GRHL1: variants seen among roughly 807,000 people sequenced by gnomAD.
The protein encoded by GRHL1 is grainyhead like transcription factor 1.
A neutral mutation model predicts 75.7 loss-of-function variants in GRHL1; 38 were observed. The observed-to-expected ratio is 0.50, with a 90% CI of 0.39 to 0.66. The LOEUF is 0.66. Ranked by LOEUF, GRHL1 falls within the 30% of genes least tolerant of loss-of-function variation. GRHL1 has a pLI of 0.00. For missense variants in GRHL1, 589 were observed against 767.5 expected (o/e 0.77, Z 2.75); for synonymous variants, 266 against 279.4 (o/e 0.95, Z 0.48).
rs376171302 is a variant in GRHL1, at chr2:9,956,083, T to C, written c.207+982T>C. On this transcript the variant is annotated intron_variant, in intron 2 of 15. Transcript: ENST00000324907. ...CTTAATGACAGTGTCTTCTCATGAA[T>C]GTAGTGTATATTTTTTACAGTTTAT... is the stretch of plus-strand genomic sequence containing the variant. 2.6e-5 allele frequency among the ~76,000 whole-genome samples: 4 copies of C among 152,260 alleles called. No homozygotes were observed. In the East Asian group the frequency reaches 5.8e-4, roughly 22 times the overall value.
At position 9,983,085 on chromosome 2, in the gene GRHL1, G is replaced by T. The variant is rs74607169; in HGVS notation, c.1111-3039G>T. On this transcript the variant is annotated intron_variant, in intron 8 of 15. Transcript: ENST00000324907. ...TAGACTTTGGTTGAGGGTTAAACCC[G>T]GCACGTATGTCCCCTCCACACCAGC... Among the ~76,000 whole-genome samples the T allele has an allele frequency of 6.2e-4, 95 of 152,216 alleles. 1 individual carries two copies. Among genetic ancestry groups the T allele is most frequent in the Non-Finnish European group, 2.2e-4 (15 of 68,006 alleles).
intron 8 of GRHL1, among the ~76,000 whole-genome samples, chr2:9,980,558 TTA>T (rs1409075840): frequency 6.6e-6 from 1 of 152,166 alleles, no homozygotes; most frequent in Admixed American, 6.5e-5. Flanking sequence ...GTTCAGCAGT[TTA>T]TGTTTGTGGT....
At chr2:9,980,911 G>C (rs901337906) in intron 8 of GRHL1, among the ~76,000 whole-genome samples, 34 of 152,180 alleles carry the variant, frequency 2.2e-4, no homozygotes, top group African/African-American at 8.2e-4. Flanking sequence ...ATAGTGGAGT[G>C]TTTTCTGTAA....
At chr2:9,955,349 G>A (rs1028861753) in intron 2 of GRHL1, among the ~76,000 whole-genome samples, 11 of 152,186 alleles carry the variant, frequency 7.2e-5, no homozygotes, top group Admixed American at 2.0e-4. Flanking sequence ...TGAAGCTACC[G>A]TAAAAGAAGA....
In GRHL1 at chr2:9,986,288, A is replaced by G. The variant is rs16867274; in HGVS notation, c.1269+6A>G. The G allele has an allele frequency of 0.44, 714,558 of 1,608,086 alleles. 163,224 individuals are homozygous for G. The highest frequency in any genetic ancestry group is 0.67 in the African/African-American group (50,203 of 74,718). On this transcript the variant is annotated splice_donor_region_variant and intron_variant, in intron 9 of 15. Coordinates refer to ENST00000324907, the MANE Select transcript of GRHL1 (RefSeq NM_198182.3). ...TCAAGGTCTTCTGTGACAAGGTAAG[A>G]TCGGCAGGGATGCTTGGAACAAGTG...
chr2:9,996,870 G>C (rs1668883084), intron 14 of GRHL1, among the ~76,000 whole-genome samples: 1 of 152,184 alleles, frequency 6.6e-6, no homozygotes, highest in Non-Finnish European at 1.5e-5. Flanking sequence ...ATGGCCGTAA[G>C]TCCATCTTAC....
chr2:9,976,218 G>T (rs1667941491), intron 8 of GRHL1, among the ~76,000 whole-genome samples: 1 of 152,204 alleles, frequency 6.6e-6, no homozygotes, highest in Non-Finnish European at 1.5e-5. Flanking sequence ...TTGCACTCTA[G>T]TAAGCGTAGG....
chr2:9,961,822 G>A (rs1402465772), intron 4 of GRHL1, among the ~76,000 whole-genome samples: 2 of 152,106 alleles, frequency 1.3e-5, no homozygotes, highest in Non-Finnish European at 1.5e-5. Context: ...TTATATCTTT[G>A]CTTGGTGTTT....
intron 4 of GRHL1, 91 bp from the exon 5 acceptor site, chr2:9,962,364 A>G (rs1572340388): frequency 1.3e-6 from 1 of 743,522 alleles, no homozygotes; most frequent in Non-Finnish European, 2.5e-6. Context: ...GGTTGCTGTA[A>G]GCCACATACT....
At chr2:9,973,349 G>A (rs1667814866) in intron 8 of GRHL1, among the ~76,000 whole-genome samples, 1 of 152,150 alleles carries the variant, frequency 6.6e-6, no homozygotes, top group African/African-American at 2.4e-5. Context: ...ACACATGGAG[G>A]ACTAGCAGGG....
At chr2:9,959,661 G>A (rs1667183000) in intron 3 of GRHL1, 1 of 152,150 alleles carries the variant, frequency 6.6e-6, no homozygotes, top group Non-Finnish European at 1.5e-5. Flanking sequence ...TAGAAAAACA[G>A]TATAAGCCCA....
chr2:9,981,197 C>T (rs1668182622), intron 8 of GRHL1, among the ~76,000 whole-genome samples: 1 of 152,192 alleles, frequency 6.6e-6, no homozygotes, highest in African/African-American at 2.4e-5. Context: ...GAAGGCCACC[C>T]TCCTGACCAT....
At position 9,965,362 on chromosome 2, in the gene GRHL1, A is replaced by T; in HGVS notation, c.1091A>T (p.Asp364Val). 6.2e-7 allele frequency: 1 copy of T among 1,606,740 alleles called. No individual in the cohort carries two copies. The highest frequency in any genetic ancestry group is 8.5e-7 in the Non-Finnish European group (1 of 1,173,216). ...IAYNAISFTW[D>V]INDEAKVFIS... is the part of the protein sequence containing the mutation. Reference sequence around the variant, plus strand: ...TATAACGCCATTTCCTTCACATGGGACATCAACGATGAAGCAAAGGTGGGT... The same window carrying T: ...TATAACGCCATTTCCTTCACATGGGTCATCAACGATGAAGCAAAGGTGGGT... Residue 364 changes from aspartate (D) to valine (V), a missense_variant, in exon 8 of 16, where the codon GAC (aspartate) becomes GTC (valine). By Grantham distance (152) the Asp-to-Val change is radical (BLOSUM62 -3). Coordinates refer to ENST00000324907, the MANE Select transcript of GRHL1 (RefSeq NM_198182.3).
At chr2:9,954,893 T>G (rs768534112) in intron 1 of GRHL1, 22 bp from the exon 2 acceptor site, 1 of 1,602,652 alleles carries the variant, frequency 6.2e-7, no homozygotes, top group East Asian at 2.2e-5. Context: ...GTGTTTTTGT[T>G]TTTTTTTTAA....
intron 9 of GRHL1, among the ~76,000 whole-genome samples, chr2:9,989,675 AGTAGCTGG>A: frequency 6.6e-6 from 1 of 152,222 alleles, no homozygotes; most frequent in East Asian, 1.9e-4. Context: ...CAGCCTCCCG[AGTAGCTGG>A]GATTACAGGC....
chr2:9,978,923 G>A (rs143147244), intron 8 of GRHL1, among the ~76,000 whole-genome samples: 2,928 of 152,036 alleles, frequency 0.019, 39 homozygotes, highest in Non-Finnish European at 0.029. Flanking sequence ...CCCGGGAGGC[G>A]GAGGTTTCAG....
intron 3 of GRHL1, chr2:9,959,882 T>C (rs1222057072): frequency 6.6e-6 from 1 of 152,224 alleles, no homozygotes; most frequent in African/African-American, 2.4e-5. Context: ...TCTAGACTTT[T>C]TCCGTTTTAG....
rs1668670830 is a variant in GRHL1, at chr2:9,992,105, A to G, written c.1420A>G (p.Ile474Val). 4 of 1,613,154 alleles carry G rather than the reference A, an allele frequency of 2.5e-6. No individual in the cohort carries two copies. The highest frequency in any genetic ancestry group is 3.4e-6 in the Non-Finnish European group (4 of 1,179,760). The change falls in exon 11 of 16, where the codon ATT becomes GTT. Residue 474 changes from isoleucine to valine, a missense_variant. By Grantham distance (29) the Ile-to-Val change is conservative. Transcript: ENST00000324907. This position sits in a 1 kb window ranked among gnomAD's most constrained non-coding sequence, Gnocchi z 4.6. Reference sequence around the variant, plus strand: ...TCTCGATACTCAGCCTGTCCTCTTCATTCCTGACGTGCACTTTGCCAACTT... The same window carrying G: ...TCTCGATACTCAGCCTGTCCTCTTCGTTCCTGACGTGCACTTTGCCAACTT... ...IDLDTQPVLF[I>V]PDVHFANLQR...
At position 9,968,406 on chromosome 2, in the gene GRHL1, C is replaced by T. The variant is rs539763648; in HGVS notation, c.1110+3025C>T. On this transcript the variant is annotated intron_variant, in intron 8 of 15. Transcript: ENST00000324907. The surrounding 1 kb of genome is among the most constrained non-coding windows in gnomAD (Gnocchi z 4.7). ...TAGTGGGATTTGTCTGCTGTGTAGA[C>T]GTATTTCATTCCTTTTATTGTCCTT... 3.3e-5 allele frequency among the ~76,000 whole-genome samples: 5 copies of T among 152,244 alleles called. No individual in the cohort carries two copies. In the South Asian group the frequency reaches 6.2e-4, roughly 19 times the overall value.
Sources: allele counts gnomAD v4.1 joint callset (sites outside exome capture counted in the v4.1 genomes callset), GRCh38; gene constraint gnomAD v4.1.1; non-coding constraint Gnocchi (gnomAD v3.1); transcripts MANE v1.5; gene names NCBI Gene and HGNC (gene_info 2026-07-23, HGNC 2026-07-21).